ZNF3: variants seen among roughly 807,000 people sequenced by gnomAD.
ZNF3 encodes zinc finger protein 3.
ZNF3 carries 16 observed loss-of-function variants against 36.9 expected under a neutral mutation model. The ratio of observed to expected loss-of-function variants is 0.43; its 90% CI spans 0.29 to 0.66. The LOEUF is 0.66. Among genes scored for constraint, ZNF3 ranks in the 30% least tolerant of loss-of-function variants. The pLI is 0.13. For missense variants in ZNF3, 462 were observed against 543.1 expected (o/e 0.85, Z 1.48); for synonymous variants, 201 against 201.9 (o/e 1.00, Z 0.04).
exon 6 of ZNF3, chr7:100,064,738 G>A: frequency 6.2e-7 from 1 of 1,613,140 alleles, no homozygotes; most frequent in Non-Finnish European, 8.5e-7. Flanking sequence ...CAACATCAGG[G>A]GATGCCTGAG....
chr7:100,077,530 G>T, intron 2 of ZNF3, 97 bp from the exon 3 acceptor site: 1 of 1,212,982 alleles, frequency 8.2e-7, no homozygotes, highest in Non-Finnish European at 1.1e-6. Context: ...CCCAGGAACA[G>T]TGAGAAGAAA....
rs1362990386 is a variant in ZNF3 at position 100,071,755 on chromosome 7, A to G, written c.729T>C (p.Leu243=). ...CGKAFSQSSH[L]IQHQRIHTGE... ...CAGTGTGGATTCTCTGATGCTGAAT[A>G]AGGTGTGAGCTCTGGCTGAAGGCCT... Residue 243 remains leucine, a synonymous_variant, in exon 6 of 6, where the codon CTT becomes CTC. Coordinates refer to ENST00000299667, the MANE Select transcript of ZNF3 (RefSeq NM_032924.5). The G allele has an allele frequency of 6.2e-7, 1 of 1,607,774 alleles. No individual in the cohort carries two copies. Among genetic ancestry groups the G allele is most frequent in the Non-Finnish European group, 8.5e-7 (1 of 1,178,114 alleles).
At position 100,070,056 on chromosome 7, in the gene ZNF3, A is replaced by C; in HGVS notation, c.*1087T>G. The C allele has an allele frequency of 1.0e-6, 1 of 985,896 alleles. No individual in the cohort carries two copies. The highest frequency in any genetic ancestry group is 1.2e-6 in the Non-Finnish European group (1 of 829,938). The allele number at this position is 985,896 out of a possible 1,614,324, so 61.1% of individuals were successfully genotyped here. A position where few individuals can be genotyped will look rare whatever the true frequency, so the allele number is the denominator to read the frequency against. On this transcript the variant is annotated 3_prime_UTR_variant, in exon 6 of 6. Coordinates refer to ENST00000299667, the MANE Select transcript of ZNF3 (RefSeq NM_032924.5). ...GGTTGGGAAAACACAATGGAAGGTCATCCCGTCGGTTGGGAAAACTCGGGG... is the reference window on the plus strand; with the variant it reads ...GGTTGGGAAAACACAATGGAAGGTCCTCCCGTCGGTTGGGAAAACTCGGGG...
At chr7:100,075,765 G>C in intron 3 of ZNF3, 135 bp from the exon 4 acceptor site, 1 of 781,664 alleles carries the variant, frequency 1.3e-6, no homozygotes, top group South Asian at 1.7e-5. Context: ...TTCTAAGTTT[G>C]CTTCCTCTGC....
Position 100,071,269 on chromosome 7 carries a change from G to A in ZNF3, c.1215C>T (p.Phe405=). The change falls in exon 6 of 6, where the codon TTC becomes TTT. Residue 405 remains phenylalanine, a synonymous_variant. Coordinates refer to ENST00000299667, the MANE Select transcript of ZNF3 (RefSeq NM_032924.5). ...GGCGAACAAGAGCCGAGCTGTACCT[G>A]AAGGCTTTCCCACACTCACTACATT... The part of the protein sequence containing the change: ...PYECSECGKA[F]RYSSALVRHQ... The A allele has an allele frequency of 6.2e-7, 1 of 1,614,250 alleles. No individual in the cohort carries two copies. Among genetic ancestry groups the A allele is most frequent in the Non-Finnish European group, 8.5e-7 (1 of 1,180,040 alleles).
chr7:100,069,341 C>T (rs1217751430), downstream of ZNF3, among the ~76,000 whole-genome samples: 1 of 152,056 alleles, frequency 6.6e-6, no homozygotes, highest in Admixed American at 6.6e-5. Context: ...ATTGCTAGAG[C>T]TCAGTTTAAG....
intron 2 of ZNF3, 58 bp from the exon 3 acceptor site, chr7:100,077,491 A>G: frequency 6.6e-7 from 1 of 1,510,736 alleles, no homozygotes; most frequent in Non-Finnish European, 8.9e-7. Flanking sequence ...CTGAATACAG[A>G]AAGATGGGAG....
At position 100,081,153 on chromosome 7, in the gene ZNF3, T is replaced by C. The variant is rs1794940992; in HGVS notation, c.-198+482A>G. 6.6e-6 allele frequency among the ~76,000 whole-genome samples: 1 copy of C among 152,244 alleles called. No individual in the cohort carries two copies. On this transcript the variant is annotated intron_variant, in intron 1 of 5. Coordinates refer to ENST00000299667, the MANE Select transcript of ZNF3 (RefSeq NM_032924.5). This position sits in a 1 kb window ranked among gnomAD's most constrained non-coding sequence, Gnocchi z 4.3. ...CAGGATTACCCCTGGAATCGGCGTC[T>C]GCACCCACTCCCAGCCCTCGTGCTA...
At chr7:100,065,043 C>A, downstream of ZNF3, 2 of 1,130,246 alleles carry the variant, frequency 1.8e-6, no homozygotes, top group Non-Finnish European at 2.5e-6. Context: ...TCTTGTAATG[C>A]CTCAGGACTA....
At chr7:100,075,935 G>C (rs534654457) in intron 3 of ZNF3, among the ~76,000 whole-genome samples, 1 of 152,164 alleles carries the variant, frequency 6.6e-6, no homozygotes, top group African/African-American at 2.4e-5. Flanking sequence ...TCCTATCTTA[G>C]TGATTACTGC....
At chr7:100,068,907 C>T (rs748598686), downstream of ZNF3, among the ~76,000 whole-genome samples, 21 of 152,098 alleles carry the variant, frequency 1.4e-4, no homozygotes, top group Non-Finnish European at 2.8e-4. Context: ...ACCACTGCCA[C>T]CTGCATTTAA....
intron 5 of ZNF3, among the ~76,000 whole-genome samples, chr7:100,074,753 G>C (rs1289111644): frequency 6.6e-6 from 1 of 152,134 alleles, no homozygotes; most frequent in African/African-American, 2.4e-5. Flanking sequence ...CCTTACCTAG[G>C]CCAGGTGCAG....
At chr7:100,064,142 A>G (rs1792502772) in exon 6 of ZNF3, 2 of 1,614,204 alleles carry the variant, frequency 1.2e-6, no homozygotes, top group Non-Finnish European at 1.7e-6. Flanking sequence ...GCTTTCAGCC[A>G]CAGCTCAAAC....
chr7:100,077,033 T>C (rs1794236344), intron 3 of ZNF3: 1 of 288,906 alleles, frequency 3.5e-6, no homozygotes, highest in Non-Finnish European at 6.8e-6. Flanking sequence ...ATTGTGCCAC[T>C]GCACTCTAGC....
downstream of ZNF3, among the ~76,000 whole-genome samples, chr7:100,068,920 G>A (rs907415696): frequency 1.3e-5 from 2 of 151,816 alleles, no homozygotes; most frequent in Non-Finnish European, 2.9e-5. Context: ...GCATTTAAGC[G>A]ATTCTCCTCC....
exon 6 of ZNF3, chr7:100,064,570 C>CT: frequency 2.5e-6 from 4 of 1,614,222 alleles, no homozygotes; most frequent in Non-Finnish European, 3.4e-6. Flanking sequence ...CAAGTCCAAT[C>CT]TTTCCAAACA....
exon 6 of ZNF3, chr7:100,064,351 A>G: frequency 6.2e-7 from 1 of 1,614,140 alleles, no homozygotes; most frequent in Non-Finnish European, 8.5e-7. Context: ...CACTGGGGAG[A>G]AGCCTTATCA....
At chr7:100,067,758 T>C (rs920985208), downstream of ZNF3, among the ~76,000 whole-genome samples, 2 of 152,154 alleles carry the variant, frequency 1.3e-5, no homozygotes, top group Non-Finnish European at 2.9e-5. Context: ...ACAGAGTATA[T>C]GCCATGTATC....
rs1005976742 is a variant in ZNF3, at chr7:100,070,594, G to C, written c.*549C>G. ...ACCATCATCACAGATGATGATTCTG[G>C]AATCTCTTCTACCCTCAATAAAATA... is the stretch of plus-strand genomic sequence containing the variant. On this transcript the variant is annotated 3_prime_UTR_variant, in exon 6 of 6. Transcript: ENST00000299667. The C allele has an allele frequency of 2.5e-5, 25 of 986,764 alleles. No individual in the cohort carries two copies. Among genetic ancestry groups the C allele is most frequent in the Non-Finnish European group, 2.9e-5 (24 of 830,954 alleles). 61.1% of individuals were successfully genotyped at this position (986,764 alleles called of 1,614,324 possible).
Sources: gnomAD v4.1 joint callset for allele counts (sites outside exome capture counted in the v4.1 genomes callset) on GRCh38, gnomAD v4.1.1 for gene constraint, Gnocchi (gnomAD v3.1) non-coding constraint, MANE v1.5 for transcripts, NCBI Gene and HGNC (gene_info 2026-07-23, HGNC 2026-07-21) for gene names.